The following SASH1 variants were observed in gnomAD, a reference collection of about 807,000 sequenced individuals.
SASH1 encodes the protein SAM and SH3 domain containing 1, also known as SAM and SH3 domain-containing protein 1.
In SASH1, 44 loss-of-function variants were observed where a neutral mutation model predicts 125.2. The ratio of observed to expected loss-of-function variants is 0.35; its 90% CI spans 0.28 to 0.45. SASH1 has a LOEUF of 0.45. Among genes scored for constraint, SASH1 ranks in the 20% least tolerant of loss-of-function variants. The pLI, the probability that SASH1 is intolerant of heterozygous loss-of-function variation, is 1.00. For synonymous variants in SASH1, 639 were observed against 649.1 expected (o/e 0.98, Z 0.24); for missense variants, 1,426 against 1,614.5 (o/e 0.88, Z 2.00).
At chr6:148,387,077 CTG>C (rs965020786) in intron 1 of SASH1, among the ~76,000 whole-genome samples, 100 of 118,508 alleles carry the variant, frequency 8.4e-4, no homozygotes, top group African/African-American at 4.7e-3. Context: ...CTTTCTCCCT[CTG>C]TCTCTCTCTC....
intron 1 of SASH1, 76 bp downstream of exon 1, chr6:148,343,299 C>T (rs982982245): frequency 4.5e-5 from 64 of 1,437,070 alleles, no homozygotes; most frequent in Non-Finnish European, 5.8e-5. Context: ...GCTCCCTTCT[C>T]GCCCACCCAC....
chr6:148,498,777 C>T (rs750218553), intron 8 of SASH1, among the ~76,000 whole-genome samples: 1 of 152,196 alleles, frequency 6.6e-6, no homozygotes, highest in African/African-American at 2.4e-5. Context: ...TTGGGAACAA[C>T]GCTGGGGAAG....
At chr6:148,233,096 C>T in the SASH1 span, among the ~76,000 whole-genome samples, 1 of 151,884 alleles carries the variant, frequency 6.6e-6, no homozygotes, top group Non-Finnish European at 1.5e-5. Context: ...TGCCTGTAGT[C>T]CCAGATACTC....
chr6:148,198,625 C>G, the SASH1 span, among the ~76,000 whole-genome samples: 4 of 152,178 alleles, frequency 2.6e-5, no homozygotes, highest in Non-Finnish European at 4.4e-5. Context: ...TGATGAAAAT[C>G]AAGATGTTGT....
the SASH1 span, among the ~76,000 whole-genome samples, chr6:148,249,353 T>TGCA: frequency 6.6e-6 from 1 of 151,984 alleles, no homozygotes; most frequent in Non-Finnish European, 1.5e-5. Context: ...TGTGCATGCA[T>TGCA]CACACACACA....
At chr6:148,284,246 C>T (rs539082428) in intron 1 of SASH1, among the ~76,000 whole-genome samples, 1 of 152,260 alleles carries the variant, frequency 6.6e-6, no homozygotes, top group East Asian at 1.9e-4. Flanking sequence ...CGAGACCAGC[C>T]TAGCCAACAT....
chr6:148,546,266 G>T, intron 19 of SASH1, 120 bp downstream of exon 19: 12 of 1,166,862 alleles, frequency 1.0e-5, no homozygotes, highest in Non-Finnish European at 1.4e-5. Flanking sequence ...GGAGACAGCT[G>T]GGGAGAAAGT....
At chr6:148,405,540 A>G (rs929495385) in intron 2 of SASH1, among the ~76,000 whole-genome samples, 2 of 151,990 alleles carry the variant, frequency 1.3e-5, no homozygotes, top group Non-Finnish European at 2.9e-5. Flanking sequence ...GTTCCTCTGC[A>G]CAGCCCCACC....
intron 2 of SASH1, among the ~76,000 whole-genome samples, chr6:148,437,189 T>G (rs1347395455): frequency 6.6e-6 from 1 of 152,196 alleles, no homozygotes; most frequent in Non-Finnish European, 1.5e-5. Flanking sequence ...TAACGGAATT[T>G]TGCCAATAGT....
chr6:148,536,464 C>G (rs111483004), intron 16 of SASH1, among the ~76,000 whole-genome samples: 1 of 152,144 alleles, frequency 6.6e-6, no homozygotes, highest in African/African-American at 2.4e-5. Flanking sequence ...CTCAGCCTCC[C>G]GAGTAGCTGG....
chr6:148,310,322 A>T (rs1277606477), intron 1 of SASH1, among the ~76,000 whole-genome samples: 1 of 152,068 alleles, frequency 6.6e-6, no homozygotes, highest in Non-Finnish European at 1.5e-5. Context: ...ACGTTGTCTC[A>T]AAACAAAACA....
chr6:148,222,646 A>ATT, the SASH1 span, among the ~76,000 whole-genome samples: 1 of 152,244 alleles, frequency 6.6e-6, no homozygotes, highest in Non-Finnish European at 1.5e-5. Flanking sequence ...AATGTTGAAT[A>ATT]ATTGCATAAT....
chr6:148,215,754 C>A, the SASH1 span, among the ~76,000 whole-genome samples: 3 of 152,126 alleles, frequency 2.0e-5, no homozygotes, highest in African/African-American at 7.2e-5. Flanking sequence ...AAATCAGAGT[C>A]AACTTGCTGT....
At chr6:148,324,815 G>C (rs1780752934) in intron 1 of SASH1, among the ~76,000 whole-genome samples, 1 of 152,096 alleles carries the variant, frequency 6.6e-6, no homozygotes, top group Non-Finnish European at 1.5e-5. Context: ...TAAAACTGTG[G>C]TAGTTCTGGT....
chr6:148,528,835 T>C (rs1317040346), intron 12 of SASH1, among the ~76,000 whole-genome samples: 4 of 152,136 alleles, frequency 2.6e-5, no homozygotes, highest in Admixed American at 6.6e-5. Flanking sequence ...CTATTGTTAT[T>C]ACATTGTAAT....
chr6:148,503,827 G>C (rs1779659785), intron 8 of SASH1, among the ~76,000 whole-genome samples: 1 of 151,880 alleles, frequency 6.6e-6, no homozygotes, highest in African/African-American at 2.4e-5. Flanking sequence ...GCATATGTGT[G>C]TGTATGGGGA....
intron 1 of SASH1, among the ~76,000 whole-genome samples, chr6:148,367,380 T>A (rs1174010168): frequency 6.7e-6 from 1 of 149,052 alleles, no homozygotes; most frequent in African/African-American, 2.5e-5. Context: ...TTACAAGTTT[T>A]AGTTGTCTGA....
chr6:148,367,082 C>A lies in SASH1; in HGVS notation c.157-23052C>A, dbSNP rs548147180. Among the ~76,000 whole-genome samples, 21 of 149,670 alleles carry A rather than the reference C, an allele frequency of 1.4e-4. No individual in the cohort carries two copies. The East Asian group carries it at 4.2e-3, about 30-fold the overall frequency. Reference sequence around the variant, plus strand: ...TGCCTCCCAGGCGCCTGCCACCATACCTGGCTAATTTTTGTATTTTTAGTG... The same window carrying A: ...TGCCTCCCAGGCGCCTGCCACCATAACTGGCTAATTTTTGTATTTTTAGTG... On this transcript the variant is annotated intron_variant, in intron 1 of 19. Transcript: ENST00000367467.
intron 4 of SASH1, among the ~76,000 whole-genome samples, chr6:148,462,074 G>C (rs776707311): frequency 6.6e-6 from 1 of 151,996 alleles, no homozygotes; most frequent in Non-Finnish European, 1.5e-5. Context: ...CTGGCTTTCG[G>C]GACTGCCTTG....
Sources: gnomAD v4.1 joint callset for allele counts (sites outside exome capture counted in the v4.1 genomes callset) on GRCh38, gnomAD v4.1.1 for gene constraint, MANE v1.5 for transcripts, NCBI Gene and HGNC (gene_info 2026-07-23, HGNC 2026-07-21) for gene names.